Variants in C5orf58 observed in about 807,000 individuals in gnomAD.
C5orf58 encodes the protein putative uncharacterized protein C5orf58.
A neutral mutation model predicts 2.9 loss-of-function variants in C5orf58; 2 were observed. That is an observed-to-expected ratio of 0.69 (90% CI 0.28 to 2.18). C5orf58 has a LOEUF of 2.18. Ranked by LOEUF, C5orf58 falls within the 30% of genes most tolerant of loss-of-function variation. The probability of loss-of-function intolerance (pLI) is 0.13; values close to 1 mark genes in which losing one functional copy is unlikely to be tolerated. For missense variants in C5orf58, 96 were observed against 91.7 expected, an observed-to-expected ratio of 1.05 and a Z score of -0.19; for synonymous variants, 37 against 33.4, an observed-to-expected ratio of 1.11 and a Z score of -0.37.
At chr5:170,244,991 T>C (rs1761195388) in intron 3 of C5orf58, among the ~76,000 whole-genome samples, 1 of 152,248 alleles carries the variant, frequency 6.6e-6, no homozygotes, top group African/African-American at 2.4e-5. Flanking sequence ...TTAGTTTTCC[T>C]TCTGACACAC....
At chr5:170,234,604 G>A (rs564908348) in intron 2 of C5orf58, among the ~76,000 whole-genome samples, 1 of 152,198 alleles carries the variant, frequency 6.6e-6, no homozygotes, top group South Asian at 2.1e-4. Flanking sequence ...GAATAAGTTA[G>A]AAAAAGACAT....
chr5:170,233,141 C>G (rs1004911200), intron 1 of C5orf58, 134 bp downstream of exon 1: 1 of 220,668 alleles, frequency 4.5e-6, no homozygotes, highest in Non-Finnish European at 7.7e-6. Context: ...GGGCTGGCCT[C>G]GGAGCCTCTC....
chr5:170,241,947 A>G (rs1761030282), intron 3 of C5orf58, among the ~76,000 whole-genome samples: 1 of 151,502 alleles, frequency 6.6e-6, no homozygotes, highest in Non-Finnish European at 1.5e-5. Flanking sequence ...TTTGAATTAC[A>G]TCCCATCAAT....
downstream of C5orf58, chr5:170,251,126 A>G: frequency 2.3e-6 from 1 of 427,860 alleles, no homozygotes; most frequent in East Asian, 4.3e-5. Context: ...GAAATTTCCA[A>G]GTCAATCTCG....
intron 3 of C5orf58, among the ~76,000 whole-genome samples, chr5:170,236,390 A>G (rs1227025657): frequency 2.0e-5 from 3 of 152,230 alleles, no homozygotes; most frequent in African/African-American, 7.2e-5. Context: ...TTATGGCCAA[A>G]TAAGTTTGGA....
Position 170,246,051 on chromosome 5 carries a change from C to T in C5orf58, c.184C>T (p.Pro62Ser). Residue 62 changes from proline (P) to serine (S), a missense_variant, in exon 4 of 4, where the codon CCC (proline) becomes TCC (serine). By Grantham distance (74) the Pro-to-Ser change is moderately conservative. Transcript: ENST00000593851. ...CTTAGCAGAAGCAGAAAGAAACAAC[C>T]CCCTCTTTGAAGAGTCTAAAATATC... ...ENLAEAERNN[P>S]LFEESKISDV... 1 of 1,613,496 alleles carries T rather than the reference C, an allele frequency of 6.2e-7. No individual in the cohort carries two copies. The highest frequency in any genetic ancestry group is 1.1e-5 in the South Asian group (1 of 91,066).
At chr5:170,237,816 G>A (rs1760805369) in intron 3 of C5orf58, among the ~76,000 whole-genome samples, 1 of 152,158 alleles carries the variant, frequency 6.6e-6, no homozygotes, top group Non-Finnish European at 1.5e-5. Flanking sequence ...GGAACCACTA[G>A]TCATAGGTTG....
chr5:170,233,007 G>C lies in C5orf58; in HGVS notation c.-85G>C. 1.0e-6 allele frequency: 1 copy of C among 983,904 alleles called. No individual in the cohort carries two copies. The highest frequency in any genetic ancestry group is 1.2e-6 in the Non-Finnish European group (1 of 828,500). 60.9% of individuals were successfully genotyped at this position (983,904 alleles called of 1,614,324 possible). On this transcript the variant is annotated splice_region_variant and 5_prime_UTR_variant, in exon 1 of 4. Coordinates refer to ENST00000593851, the MANE Select transcript of C5orf58 (RefSeq NM_001102609.3). ...TCAGAACCTCGGTGACGGTTGGCCA[G>C]GTGGGTAGTGACGGCTGCTCGGTCT... is the stretch of plus-strand genomic sequence containing the variant.
downstream of C5orf58, chr5:170,250,660 C>G (rs1761416114): frequency 8.3e-7 from 1 of 1,200,624 alleles, no homozygotes; most frequent in African/African-American, 1.5e-5. Context: ...TCTCAAAGAT[C>G]GCTCCATGAA....
intron 3 of C5orf58, among the ~76,000 whole-genome samples, chr5:170,235,410 T>C (rs1760702411): frequency 6.6e-6 from 1 of 152,234 alleles, no homozygotes; most frequent in Admixed American, 6.5e-5. Context: ...ACTAAGCCCC[T>C]AAGGTCCATT....
chr5:170,247,118 T>C (rs1455568915), downstream of C5orf58: 1 of 152,220 alleles, frequency 6.6e-6, no homozygotes, highest in Non-Finnish European at 1.5e-5. Context: ...CTAGAACCTA[T>C]GGTGTATGCT....
chr5:170,246,038 A>C lies in C5orf58; in HGVS notation c.171A>C (p.Ala57=). Residue 57 remains alanine, a synonymous_variant, in exon 4 of 4, where the codon GCA becomes GCC. Transcript: ENST00000593851. ...TCAAGACTGAGAACTTAGCAGAAGC[A>C]GAAAGAAACAACCCCCTCTTTGAAG... ...HPIKTENLAE[A]ERNNPLFEES... is the part of the protein sequence containing the mutation. 1.9e-6 allele frequency: 3 copies of C among 1,613,548 alleles called. No homozygotes were observed. Among genetic ancestry groups the C allele is most frequent in the Non-Finnish European group, 2.5e-6 (3 of 1,179,518 alleles).
intron 1 of C5orf58, 49 bp from the exon 2 acceptor site, chr5:170,234,065 TG>T (rs1760636448): frequency 8.8e-7 from 1 of 1,133,632 alleles, no homozygotes; most frequent in African/African-American, 1.6e-5. Context: ...AATGGGGTCT[TG>T]GGGGTAGATG....
chr5:170,249,369 T>TAC (rs1761376170), downstream of C5orf58, among the ~76,000 whole-genome samples: 1 of 122,234 alleles, frequency 8.2e-6, no homozygotes, highest in African/African-American at 2.7e-5. Context: ...TGTGTATATA[T>TAC]ATATATATAT....
chr5:170,250,941 CT>C (rs1285239988), downstream of C5orf58: 5 of 1,464,834 alleles, frequency 3.4e-6, no homozygotes, highest in Admixed American at 5.5e-5. Context: ...ATTTTTGTTG[CT>C]TGTAAGAGTA....
intron 3 of C5orf58, among the ~76,000 whole-genome samples, chr5:170,240,448 A>G (rs1428105041): frequency 9.5e-5 from 14 of 146,984 alleles, no homozygotes; most frequent in African/African-American, 3.0e-4. Flanking sequence ...TTGTTTCCTG[A>G]CTTTTTAATG....
chr5:170,251,459 C>T, intron 2 of C5orf58: 1 of 258,852 alleles, frequency 3.9e-6, no homozygotes. Context: ...TTTGATTGTC[C>T]TGTACTTTAA....
Position 170,234,976 on chromosome 5 carries a change from G to T in C5orf58, c.1-1G>T. On this transcript the variant is annotated splice_acceptor_variant, in intron 2 of 3. Transcript: ENST00000593851. LOFTEE classifies it low-confidence loss of function (5UTR_SPLICE). ...TGTTTCTGTTTTTCTTTTAAAATCAGATGGGTAAGAAGCGTGTTACTGATC... is the reference window on the plus strand; with the variant it reads ...TGTTTCTGTTTTTCTTTTAAAATCATATGGGTAAGAAGCGTGTTACTGATC... The T allele has an allele frequency of 4.2e-6, 6 of 1,425,960 alleles. No individual in the cohort carries two copies. Among genetic ancestry groups the T allele is most frequent in the Non-Finnish European group, 4.8e-6 (5 of 1,035,146 alleles). 88.3% of individuals were successfully genotyped at this position (1,425,960 alleles called of 1,614,324 possible). A position where few individuals can be genotyped will look rare whatever the true frequency, so the allele number is the denominator to read the frequency against.
At chr5:170,240,237 C>T (rs1356110268) in intron 3 of C5orf58, among the ~76,000 whole-genome samples, 2 of 150,874 alleles carry the variant, frequency 1.3e-5, no homozygotes, top group East Asian at 1.9e-4. Flanking sequence ...AGTAAACATA[C>T]GTGTGCATGT....
Sources: gnomAD v4.1 joint callset for allele counts (sites outside exome capture counted in the v4.1 genomes callset) on GRCh38, gnomAD v4.1.1 for gene constraint, MANE v1.5 for transcripts, NCBI Gene and HGNC (gene_info 2026-07-23, HGNC 2026-07-21) for gene names.